Variants in PLCL1 observed in about 807,000 individuals in gnomAD.
PLCL1 encodes phospholipase C like 1 (inactive).
PLCL1 carries 41 observed loss-of-function variants against 84.4 expected under a neutral mutation model. The ratio of observed to expected loss-of-function variants is 0.49; its 90% CI spans 0.38 to 0.63. The LOEUF (loss-of-function observed/expected upper bound fraction) is 0.63. PLCL1 is among the 30% of genes least tolerant of loss of function. The pLI is 0.00. For missense variants in PLCL1, 1,206 were observed against 1,367.8 expected, an observed-to-expected ratio of 0.88 and a Z score of 1.87; for synonymous variants, 490 against 488.3, an observed-to-expected ratio of 1.00 and a Z score of -0.05.
intron 1 of PLCL1, among the ~76,000 whole-genome samples, chr2:197,980,128 G>A (rs1323625584): frequency 6.6e-6 from 1 of 152,176 alleles, no homozygotes; most frequent in Non-Finnish European, 1.5e-5. Flanking sequence ...AAGCGGAAGA[G>A]AAGAGAACAA....
chr2:197,819,435 A>C (rs768245350), intron 1 of PLCL1, among the ~76,000 whole-genome samples: 1 of 152,146 alleles, frequency 6.6e-6, no homozygotes, highest in Non-Finnish European at 1.5e-5. Context: ...TGAGTAAGCT[A>C]TCAGTAATAA....
chr2:197,822,858 A>G (rs148333654), intron 1 of PLCL1, among the ~76,000 whole-genome samples: 42 of 152,286 alleles, frequency 2.8e-4, no homozygotes, highest in South Asian at 2.1e-4. Flanking sequence ...AAAAAAATAC[A>G]TATTCCATTG....
At position 198,090,069 on chromosome 2, in the gene PLCL1, T is replaced by C. The variant is rs1036473009; in HGVS notation, c.2919+1008T>C. Among the ~76,000 whole-genome samples the C allele has an allele frequency of 2.0e-5, 3 of 152,274 alleles. No individual in the cohort carries two copies. The East Asian group carries it at 5.8e-4, about 29-fold the overall frequency. ...TGCTTACGAGTTTGATCTATAGAGT[T>C]CCTTTTCTTGGATTTATTCTAAGCC... On this transcript the variant is annotated intron_variant, in intron 3 of 5. Transcript: ENST00000428675.
At chr2:197,920,142 T>C (rs1359245102) in intron 1 of PLCL1, among the ~76,000 whole-genome samples, 1 of 152,136 alleles carries the variant, frequency 6.6e-6, no homozygotes, top group Non-Finnish European at 1.5e-5. Flanking sequence ...AATTTATCAG[T>C]GGTCCGTCAA....
chr2:198,089,576 C>T (rs1342793846), intron 3 of PLCL1, among the ~76,000 whole-genome samples: 2 of 152,184 alleles, frequency 1.3e-5, no homozygotes, highest in Non-Finnish European at 2.9e-5. Context: ...GACATAGCTT[C>T]TTCCTTTAAG....
intron 1 of PLCL1, among the ~76,000 whole-genome samples, chr2:197,856,819 A>ATT (rs1312938850): frequency 6.6e-6 from 1 of 152,222 alleles, no homozygotes; most frequent in African/African-American, 2.4e-5. Flanking sequence ...TTTGTGACTT[A>ATT]ACATTTATTA....
chr2:197,829,676 T>C (rs1168301234), intron 1 of PLCL1, among the ~76,000 whole-genome samples: 1 of 152,230 alleles, frequency 6.6e-6, no homozygotes, highest in African/African-American at 2.4e-5. Flanking sequence ...TTCATTTTCT[T>C]GTTAAGGCTG....
At chr2:197,990,560 CAA>C (rs890441781) in intron 1 of PLCL1, among the ~76,000 whole-genome samples, 15 of 152,124 alleles carry the variant, frequency 9.9e-5, no homozygotes, top group African/African-American at 3.6e-4. Context: ...TGGCGGCAGG[CAA>C]GAGAGAGTGT....
At chr2:197,856,566 T>C (rs1687333528) in intron 1 of PLCL1, among the ~76,000 whole-genome samples, 1 of 152,222 alleles carries the variant, frequency 6.6e-6, no homozygotes, top group African/African-American at 2.4e-5. Context: ...TTACGAATTA[T>C]ATAAAAGTGA....
intron 1 of PLCL1, among the ~76,000 whole-genome samples, chr2:197,818,867 T>C (rs1306034106): frequency 6.6e-6 from 1 of 152,046 alleles, no homozygotes; most frequent in Admixed American, 6.6e-5. Flanking sequence ...CATCCAGTCC[T>C]CTTGCTGCTG....
intron 1 of PLCL1, among the ~76,000 whole-genome samples, chr2:197,903,030 T>C (rs1332553701): frequency 6.6e-6 from 1 of 152,206 alleles, no homozygotes; most frequent in African/African-American, 2.4e-5. Flanking sequence ...TTATGGAAAG[T>C]ACCAAAAATA....
chr2:197,900,632 A>G (rs1688245593), intron 1 of PLCL1, among the ~76,000 whole-genome samples: 1 of 152,186 alleles, frequency 6.6e-6, no homozygotes, highest in Non-Finnish European at 1.5e-5. Flanking sequence ...AAATAAATTG[A>G]ACACTTGACT....
At chr2:197,936,721 T>C (rs1310971877) in intron 1 of PLCL1, among the ~76,000 whole-genome samples, 1 of 152,212 alleles carries the variant, frequency 6.6e-6, no homozygotes, top group African/African-American at 2.4e-5. Flanking sequence ...CTGTTGATTG[T>C]TTCCTTTGCT....
At chr2:197,966,673 C>T (rs1358825078) in intron 1 of PLCL1, among the ~76,000 whole-genome samples, 1 of 152,034 alleles carries the variant, frequency 6.6e-6, no homozygotes, top group Non-Finnish European at 1.5e-5. Context: ...TCTTCAGTGC[C>T]TCTTTCACCA....
chr2:197,829,206 G>A lies in PLCL1; in HGVS notation c.240+23867G>A, dbSNP rs114442245. ...GGCAACCCTAGCTGTATGTGATTGG[G>A]TAGACTATAGGTAATAGTAAAGAAA... On this transcript the variant is annotated intron_variant, in intron 1 of 5. Transcript: ENST00000428675. Among the ~76,000 whole-genome samples, 507 of 152,252 alleles carry A rather than the reference G, an allele frequency of 3.3e-3. 3 individuals are homozygous for A. Among genetic ancestry groups the A allele is most frequent in the African/African-American group, 0.012 (485 of 41,550 alleles).
chr2:198,004,959 G>A (rs1297662019), intron 1 of PLCL1, among the ~76,000 whole-genome samples: 2 of 152,210 alleles, frequency 1.3e-5, no homozygotes, highest in Non-Finnish European at 2.9e-5. Context: ...TAATTTAGCT[G>A]CTGCTGCAGA....
chr2:198,136,992 G>A (rs956394416), intron 5 of PLCL1, among the ~76,000 whole-genome samples: 1 of 152,136 alleles, frequency 6.6e-6, no homozygotes, highest in East Asian at 1.9e-4. Context: ...CACAAGGATA[G>A]TATTTATGTC....
intron 1 of PLCL1, chr2:198,002,146 C>G (rs1182123196): frequency 4.3e-6 from 1 of 230,204 alleles, no homozygotes; most frequent in Admixed American, 4.3e-5. Context: ...TTCCACAAAA[C>G]CAGTCCCTGG....
At chr2:198,111,663 T>C (rs1693625638) in intron 5 of PLCL1, among the ~76,000 whole-genome samples, 1 of 151,882 alleles carries the variant, frequency 6.6e-6, no homozygotes, top group African/African-American at 2.4e-5. Flanking sequence ...ACTCTTATTA[T>C]ACCCATTTTA....
Sources: allele counts gnomAD v4.1 joint callset (sites outside exome capture counted in the v4.1 genomes callset), GRCh38; gene constraint gnomAD v4.1.1; transcripts MANE v1.5; gene names NCBI Gene and HGNC (gene_info 2026-07-23, HGNC 2026-07-21).